Variants in TSHZ1 observed in about 807,000 individuals in gnomAD.
The protein encoded by TSHZ1 is teashirt homolog 1.
In TSHZ1, 12 loss-of-function variants were observed where a neutral mutation model predicts 67.1. That is an observed-to-expected ratio of 0.18 (90% CI 0.11 to 0.29). The LOEUF (loss-of-function observed/expected upper bound fraction) is 0.29. Ranked by LOEUF, TSHZ1 falls within the 10% of genes least tolerant of loss-of-function variation. The probability of loss-of-function intolerance (pLI) is 1.00; values close to 1 mark genes in which losing one functional copy is unlikely to be tolerated. For missense variants in TSHZ1, 1,305 were observed against 1,413.9 expected (o/e 0.92, Z 1.23); for synonymous variants, 632 against 622.4 (o/e 1.02, Z -0.23).
At chr18:75,251,383 C>T (rs932103263) in intron 1 of TSHZ1, among the ~76,000 whole-genome samples, 2 of 151,168 alleles carry the variant, frequency 1.3e-5, no homozygotes, top group African/African-American at 4.9e-5. Flanking sequence ...AGATATTTTT[C>T]AAACAAAGAT....
At chr18:75,213,379 A>G (rs748069259) in intron 1 of TSHZ1, among the ~76,000 whole-genome samples, 1 of 152,244 alleles carries the variant, frequency 6.6e-6, no homozygotes, top group Non-Finnish European at 1.5e-5. Context: ...TGCCACTGGT[A>G]GCCCCCAAAT....
At chr18:75,257,801 G>A (rs558936669) in intron 1 of TSHZ1, among the ~76,000 whole-genome samples, 197 of 152,156 alleles carry the variant, frequency 1.3e-3, no homozygotes, top group Non-Finnish European at 2.2e-3. Flanking sequence ...ACATGTTCCC[G>A]TGGTAACAGA....
rs202060462 is a variant in TSHZ1, at chr18:75,286,748, G to A, written c.1341G>A (p.Ser447=). 2.7e-5 allele frequency: 44 copies of A among 1,613,502 alleles called. No homozygotes were observed. The East Asian group carries it at 6.9e-4, about 25-fold the overall frequency. The change falls in exon 2 of 2, where the codon TCG becomes TCA. Residue 447 remains serine (S), a synonymous_variant. Coordinates refer to ENST00000580243, the MANE Select transcript of TSHZ1 (RefSeq NM_001308210.2). The surrounding 1 kb of genome is among the most constrained non-coding windows in gnomAD (Gnocchi z 5.1). ...VTGHFLKVTT[S]ASKKGKQLVL... Reference sequence around the variant, plus strand: ...GGCACTTCCTGAAAGTGACCACCTCGGCTTCTAAGAAGGGCAAGCAGTTGG... The same window carrying A: ...GGCACTTCCTGAAAGTGACCACCTCAGCTTCTAAGAAGGGCAAGCAGTTGG...
At chr18:75,230,386 A>G (rs1163026041) in intron 1 of TSHZ1, among the ~76,000 whole-genome samples, 1 of 152,188 alleles carries the variant, frequency 6.6e-6, no homozygotes, top group Non-Finnish European at 1.5e-5. Context: ...GAGTGCCAGG[A>G]AATACAGGAA....
At chr18:75,238,340 C>A (rs192910704) in intron 1 of TSHZ1, among the ~76,000 whole-genome samples, 1 of 152,006 alleles carries the variant, frequency 6.6e-6, no homozygotes, top group African/African-American at 2.4e-5. Context: ...GAGGTGTAGA[C>A]GTGTAGTAGA....
rs897827720 is a variant in TSHZ1, at chr18:75,258,367, A to G, written c.41-27081A>G. Among the ~76,000 whole-genome samples the G allele has an allele frequency of 9.9e-5, 15 of 152,266 alleles. No homozygotes were observed. The East Asian group carries it at 2.9e-3, about 29-fold the overall frequency. On this transcript the variant is annotated intron_variant, in intron 1 of 1. Coordinates refer to ENST00000580243, the MANE Select transcript of TSHZ1 (RefSeq NM_001308210.2). Reference sequence around the variant, plus strand: ...CCATATATACTTGTTTCACACTTAAAATCTCACATGTAGTAACGGTTGCTT... The same window carrying G: ...CCATATATACTTGTTTCACACTTAAGATCTCACATGTAGTAACGGTTGCTT...
intron 1 of TSHZ1, among the ~76,000 whole-genome samples, chr18:75,264,046 A>G (rs1036875587): frequency 2.0e-5 from 3 of 152,196 alleles, no homozygotes; most frequent in African/African-American, 4.8e-5. Flanking sequence ...AGTCCAGAAT[A>G]TCCTTTATGT....
intron 1 of TSHZ1, among the ~76,000 whole-genome samples, chr18:75,282,602 G>A (rs2122615071): frequency 6.6e-6 from 1 of 152,294 alleles, no homozygotes. Context: ...AAGTGGAAGA[G>A]CTCTCTCTTT....
intron 1 of TSHZ1, among the ~76,000 whole-genome samples, chr18:75,266,358 A>G (rs1039302321): frequency 2.0e-5 from 3 of 152,228 alleles, no homozygotes; most frequent in East Asian, 1.9e-4. Flanking sequence ...TAGGCCTCCA[A>G]GTAAAAACAA....
Position 75,286,713 on chromosome 18 carries a change from A to G in TSHZ1, c.1306A>G (p.Met436Val), listed in dbSNP as rs1455828720. The stretch of plus-strand genomic sequence containing the variant: ...GCTGCAGCAGCTCACCGCCCACATG[A>G]TGGTCACCGGGCACTTCCTGAAAGT... Reference protein sequence around the residue: ...DTLQQLTAHMMVTGHFLKVTT... With the variant: ...DTLQQLTAHMVVTGHFLKVTT... The change falls in exon 2 of 2, where the codon ATG (methionine) becomes GTG (valine). Residue 436 changes from methionine (M) to valine (V), a missense_variant. Met to Val is a conservative substitution (Grantham distance 21). Around this residue, in one of 3 missense-constraint regions of TSHZ1, gnomAD observed 909 missense variants for 961.8 expected, o/e 0.95. Coordinates refer to ENST00000580243, the MANE Select transcript of TSHZ1 (RefSeq NM_001308210.2). This position sits in a 1 kb window ranked among gnomAD's most constrained non-coding sequence, Gnocchi z 5.1. 2 of 1,613,952 alleles carry G rather than the reference A, an allele frequency of 1.2e-6. No homozygotes were observed. Among genetic ancestry groups the G allele is most frequent in the Non-Finnish European group, 8.5e-7 (1 of 1,180,024 alleles).
At chr18:75,256,025 T>C (rs1214713927) in intron 1 of TSHZ1, among the ~76,000 whole-genome samples, 1 of 152,224 alleles carries the variant, frequency 6.6e-6, no homozygotes, top group Non-Finnish European at 1.5e-5. Context: ...ATGATAACAC[T>C]TTAATGCATA....
Position 75,286,057 on chromosome 18 carries a change from T to A in TSHZ1, c.650T>A (p.Leu217His), listed in dbSNP as rs1379833627. 7 of 1,613,436 alleles carry A rather than the reference T, an allele frequency of 4.3e-6. No individual in the cohort carries two copies. In the East Asian group the frequency reaches 1.6e-4, roughly 36 times the overall value. Residue 217 changes from leucine (L) to histidine (H), a missense_variant, in exon 2 of 2, where the codon CTT becomes CAT. Coordinates refer to ENST00000580243, the MANE Select transcript of TSHZ1 (RefSeq NM_001308210.2). This position sits in a 1 kb window ranked among gnomAD's most constrained non-coding sequence, Gnocchi z 5.1. ...CAGCAGACGTCCTCGTATGGGCTGC[T>A]TCCTGAGCCCAGCCTGTTCAGCACC... ...TLQQTSSYGL[L>H]PEPSLFSTVQ...
At chr18:75,276,465 C>A (rs1170192577) in intron 1 of TSHZ1, among the ~76,000 whole-genome samples, 2 of 152,166 alleles carry the variant, frequency 1.3e-5, no homozygotes, top group African/African-American at 4.8e-5. Flanking sequence ...GCTCTCTGTG[C>A]ATTTTTTTGT....
intron 1 of TSHZ1, among the ~76,000 whole-genome samples, chr18:75,282,553 G>A (rs74428173): frequency 0.048 from 7,340 of 152,198 alleles, 239 homozygotes; most frequent in South Asian, 0.073. Context: ...CATTAAATGC[G>A]GTCACAGGGC....
chr18:75,230,361 C>T (rs1451538755), intron 1 of TSHZ1, among the ~76,000 whole-genome samples: 2 of 152,114 alleles, frequency 1.3e-5, no homozygotes, highest in Non-Finnish European at 2.9e-5. Flanking sequence ...AGGAGCGCAC[C>T]TTACGGAGGG....
intron 1 of TSHZ1, among the ~76,000 whole-genome samples, chr18:75,216,340 A>T (rs1157216805): frequency 2.0e-5 from 3 of 152,186 alleles, no homozygotes; most frequent in Admixed American, 2.0e-4. Flanking sequence ...CTTTAAAAAA[A>T]TGGTGATATT....
chr18:75,220,240 G>T (rs1033795688), intron 1 of TSHZ1, among the ~76,000 whole-genome samples: 1 of 152,114 alleles, frequency 6.6e-6, no homozygotes, highest in Non-Finnish European at 1.5e-5. Context: ...TAATTTTTTT[G>T]CGTGTGTGCC....
At chr18:75,237,664 G>T (rs757736844) in intron 1 of TSHZ1, among the ~76,000 whole-genome samples, 2 of 152,078 alleles carry the variant, frequency 1.3e-5, no homozygotes, top group Non-Finnish European at 2.9e-5. Context: ...GCAAGTATTT[G>T]TAGGAGAGGC....
At position 75,270,605 on chromosome 18, in the gene TSHZ1, C is replaced by T. The variant is rs542973480; in HGVS notation, c.41-14843C>T. 3.9e-5 allele frequency among the ~76,000 whole-genome samples: 6 copies of T among 152,292 alleles called. No individual in the cohort carries two copies. In the South Asian group the frequency reaches 6.2e-4, roughly 16 times the overall value. ...TTGAGATTAGATTTCAATATTGCCA[C>T]TGGAAAAAAATTGCTTCTGATGATT... On this transcript the variant is annotated intron_variant, in intron 1 of 1. Transcript: ENST00000580243.
Sources: allele counts gnomAD v4.1 joint callset (sites outside exome capture counted in the v4.1 genomes callset), GRCh38; gene constraint gnomAD v4.1.1; regional missense constraint gnomAD v4.1.1; non-coding constraint Gnocchi (gnomAD v3.1); transcripts MANE v1.5; gene names NCBI Gene and HGNC (gene_info 2026-07-23, HGNC 2026-07-21).